The following RYR2 variants were observed in gnomAD, a reference collection of about 807,000 sequenced individuals.
The protein encoded by RYR2 is ryanodine receptor 2.
A neutral mutation model predicts 601.1 loss-of-function variants in RYR2; 227 were observed. The observed-to-expected ratio is 0.38, with a 90% CI of 0.34 to 0.42. The LOEUF is 0.42. Among genes scored for constraint, RYR2 ranks in the 10% least tolerant of loss-of-function variants. The pLI, the probability that RYR2 is intolerant of heterozygous loss-of-function variation, is 1.00. For synonymous variants in RYR2, 2,223 were observed against 2,175.1 expected, an observed-to-expected ratio of 1.02 and a Z score of -0.61; for missense variants, 4,646 against 6,156.5, an observed-to-expected ratio of 0.75 and a Z score of 8.21.
intron 94 of RYR2, 47 bp downstream of exon 94, chr1:237,792,370 T>TGC (rs1553327318): frequency 9.6e-5 from 91 of 945,952 alleles, no homozygotes; most frequent in South Asian, 7.2e-4. Flanking sequence ...TGTGTGTGTG[T>TGC]GTGTGTGTGT....
chr1:237,655,134 G>A (rs1052542520), intron 52 of RYR2, among the ~76,000 whole-genome samples: 7 of 152,224 alleles, frequency 4.6e-5, no homozygotes, highest in Middle Eastern at 3.4e-3. Context: ...TTTTCTTACC[G>A]AATTTCCTTT....
chr1:237,736,174 G>T (rs1691123782), intron 79 of RYR2, among the ~76,000 whole-genome samples: 1 of 152,174 alleles, frequency 6.6e-6, no homozygotes, highest in Admixed American at 6.5e-5. Flanking sequence ...AAGATAAAAG[G>T]ATAGGGCTGG....
At chr1:237,303,426 A>C (rs554988957) in intron 2 of RYR2, among the ~76,000 whole-genome samples, 1 of 149,618 alleles carries the variant, frequency 6.7e-6, no homozygotes, top group Non-Finnish European at 1.5e-5. Flanking sequence ...CAGCCTCCCA[A>C]GTAGCTGGGA....
At chr1:237,061,393 C>G (rs1662877419) in intron 1 of RYR2, among the ~76,000 whole-genome samples, 1 of 152,144 alleles carries the variant, frequency 6.6e-6, no homozygotes, top group African/African-American at 2.4e-5. Context: ...TCATAGCTTG[C>G]TGCAGCCTTA....
intron 27 of RYR2, among the ~76,000 whole-genome samples, chr1:237,560,943 A>G (rs896562307): frequency 2.0e-5 from 3 of 152,202 alleles, no homozygotes; most frequent in Non-Finnish European, 4.4e-5. Context: ...TTTCTGGCGA[A>G]CTCAGCAGAG....
intron 10 of RYR2, among the ~76,000 whole-genome samples, chr1:237,395,393 A>G (rs1702731175): frequency 6.6e-6 from 1 of 152,162 alleles, no homozygotes; most frequent in Admixed American, 6.6e-5. Flanking sequence ...TATCAACTCT[A>G]AATGGGAATT....
Position 237,711,819 on chromosome 1 carries a change from C to G in RYR2, c.10305C>G (p.Thr3435=). The G allele has an allele frequency of 6.8e-7, 1 of 1,476,556 alleles. No homozygotes were observed. The highest frequency in any genetic ancestry group is 1.7e-5 in the Admixed American group (1 of 59,244). 91.5% of individuals were successfully genotyped at this position (1,476,556 alleles called of 1,614,324 possible). Residue 3435 remains threonine, a synonymous_variant, in exon 71 of 105, where the codon ACC becomes ACG. Transcript: ENST00000366574. ...INNMSFLITD[T]KSKMSKAAVS... ...ATATGTCTTTCCTTATTACTGATAC[C>G]AAGTCAAAGATGTCAAAGGTATTAC...
intron 1 of RYR2, among the ~76,000 whole-genome samples, chr1:237,086,196 G>A (rs1034962576): frequency 6.6e-6 from 1 of 152,212 alleles, no homozygotes; most frequent in African/African-American, 2.4e-5. Flanking sequence ...GGAAATTCAA[G>A]ATCAAGGTGT....
At chr1:237,522,217 C>A (rs567012824) in intron 24 of RYR2, among the ~76,000 whole-genome samples, 2 of 152,254 alleles carry the variant, frequency 1.3e-5, no homozygotes, top group East Asian at 3.9e-4. Flanking sequence ...AATCTTCTGG[C>A]TTCCCTGGGC....
chr1:237,119,509 G>T (rs1415150440), intron 1 of RYR2, among the ~76,000 whole-genome samples: 1 of 152,142 alleles, frequency 6.6e-6, no homozygotes, highest in African/African-American at 2.4e-5. Flanking sequence ...GGCACACTGG[G>T]CCCCAGGTGT....
At chr1:237,238,914 C>T (rs1008171919) in intron 1 of RYR2, among the ~76,000 whole-genome samples, 1 of 152,126 alleles carries the variant, frequency 6.6e-6, no homozygotes, top group African/African-American at 2.4e-5. Context: ...GAGTTAGGGG[C>T]ATCCAGGTGA....
chr1:237,467,194 CTATATAATTTTAGATAATACAATAGTTTA>C (rs1488120518), intron 16 of RYR2, among the ~76,000 whole-genome samples: 1 of 146,498 alleles, frequency 6.8e-6, no homozygotes, highest in South Asian at 2.1e-4. Context: ...ATATATATAC[CTATATAATTTTAGATAATACAATAGTTTA>C]TATATAATTT....
At chr1:237,619,741 C>T (rs1303760502) in intron 38 of RYR2, among the ~76,000 whole-genome samples, 1 of 151,810 alleles carries the variant, frequency 6.6e-6, no homozygotes, top group Non-Finnish European at 1.5e-5. Context: ...GGGGGAGAAA[C>T]AATTTGAGTG....
At chr1:237,256,165 C>G (rs1387367680) in intron 1 of RYR2, among the ~76,000 whole-genome samples, 2 of 152,050 alleles carry the variant, frequency 1.3e-5, no homozygotes, top group Admixed American at 6.6e-5. Flanking sequence ...CTCATGAAAT[C>G]TGATGATTTT....
intron 17 of RYR2, among the ~76,000 whole-genome samples, chr1:237,478,942 C>G (rs6655991): frequency 0.13 from 19,821 of 152,140 alleles, 1,908 homozygotes; most frequent in African/African-American, 0.27. Flanking sequence ...TAGAATAACT[C>G]TCTCATGTAA....
At chr1:237,361,237 AT>A (rs1244523123) in intron 4 of RYR2, among the ~76,000 whole-genome samples, 1 of 152,098 alleles carries the variant, frequency 6.6e-6, no homozygotes, top group Non-Finnish European at 1.5e-5. Context: ...ATTGTTGTTA[AT>A]TTTTTTATTC....
chr1:237,231,561 CT>C (rs1685003291), intron 1 of RYR2, among the ~76,000 whole-genome samples: 1 of 152,122 alleles, frequency 6.6e-6, no homozygotes, highest in Admixed American at 6.5e-5. Flanking sequence ...TCAAGCCTTG[CT>C]TGGATTTTGT....
chr1:237,647,480 G>A (rs1682294453), intron 48 of RYR2, among the ~76,000 whole-genome samples: 1 of 152,120 alleles, frequency 6.6e-6, no homozygotes, highest in Non-Finnish European at 1.5e-5. Context: ...ATACTACCAG[G>A]CATTATCCTT....
chr1:237,188,650 C>T (rs919664489), intron 1 of RYR2, among the ~76,000 whole-genome samples: 2 of 152,128 alleles, frequency 1.3e-5, no homozygotes, highest in African/African-American at 4.8e-5. Flanking sequence ...ACTGCAACCT[C>T]TACCTCCCAG....
Sources: gnomAD v4.1 joint callset for allele counts (sites outside exome capture counted in the v4.1 genomes callset) on GRCh38, gnomAD v4.1.1 for gene constraint, MANE v1.5 for transcripts, NCBI Gene and HGNC (gene_info 2026-07-23, HGNC 2026-07-21) for gene names.